Variants in SLC38A7 observed in about 807,000 individuals in gnomAD.
The protein encoded by SLC38A7 is sodium-coupled neutral amino acid transporter 7.
A neutral mutation model predicts 50.1 loss-of-function variants in SLC38A7; 29 were observed. That is an observed-to-expected ratio of 0.58 (90% CI 0.43 to 0.79). The LOEUF (loss-of-function observed/expected upper bound fraction) is 0.79, where lower values mean the gene tolerates loss of function less well. SLC38A7 is among the 30% of genes least tolerant of loss of function. The pLI is 0.00. For missense variants in SLC38A7, 483 were observed against 610.6 expected (o/e 0.79, Z 2.20); for synonymous variants, 244 against 245.9 (o/e 0.99, Z 0.07).
chr16:58,681,443 T>C (rs1434346097), intron 2 of SLC38A7: 1 of 152,164 alleles, frequency 6.6e-6, no homozygotes, highest in Non-Finnish European at 1.5e-5. Flanking sequence ...GTTTTTTTTC[T>C]TCCAAGAATC....
rs941290434 is a variant in SLC38A7 at position 58,678,225 on chromosome 16, G to T, written c.611+108C>A. ...GGTCTGCCCTGCCTTGCCTACTCTT[G>T]CTCCCCAAGGTGAGGTGGCATGGAG... is the stretch of plus-strand genomic sequence containing the variant. On this transcript the variant is annotated intron_variant, in intron 5 of 11. Transcript: ENST00000219320. This position sits in a 1 kb window ranked among gnomAD's most constrained non-coding sequence, Gnocchi z 4.0. 2.2e-6 allele frequency: 3 copies of T among 1,343,750 alleles called. No individual in the cohort carries two copies. The highest frequency in any genetic ancestry group is 3.0e-6 in the Non-Finnish European group (3 of 1,008,430). 83.2% of individuals were successfully genotyped at this position (1,343,750 alleles called of 1,614,324 possible).
At chr16:58,683,500 C>T (rs1175345993) in intron 2 of SLC38A7, among the ~76,000 whole-genome samples, 2 of 152,190 alleles carry the variant, frequency 1.3e-5, no homozygotes, top group Non-Finnish European at 2.9e-5. Flanking sequence ...TGTCAGATGT[C>T]ACAGGGCTTA....
Position 58,675,955 on chromosome 16 carries a change from C to T in SLC38A7, c.868G>A (p.Val290Ile). 1 of 1,611,904 alleles carries T rather than the reference C, an allele frequency of 6.2e-7. No individual in the cohort carries two copies. The highest frequency in any genetic ancestry group is 8.5e-7 in the Non-Finnish European group (1 of 1,179,004). The change falls in exon 8 of 12, where the codon GTC (valine) becomes ATC (isoleucine). Residue 290 changes from valine (V) to isoleucine (I), a missense_variant. Coordinates refer to ENST00000219320, the MANE Select transcript of SLC38A7 (RefSeq NM_018231.3). ...VTAAMVIALAVYMGTGICGFL... is the reference protein window; with the variant it reads ...VTAAMVIALAIYMGTGICGFL... ...GAGCACTCACCTGTCCCCATGTAGA[C>T]AGCGAGGGCTATGACCATGGCAGCT...
chr16:58,670,915 G>A (rs953599338), intron 10 of SLC38A7, 130 bp downstream of exon 10: 19 of 970,536 alleles, frequency 2.0e-5, no homozygotes, highest in Non-Finnish European at 2.9e-5. Flanking sequence ...GTACAGAGGC[G>A]AGACAGGTGA....
intron 2 of SLC38A7, among the ~76,000 whole-genome samples, chr16:58,680,556 C>A (rs1439118070): frequency 4.6e-5 from 7 of 152,208 alleles, no homozygotes; most frequent in African/African-American, 1.7e-4. Context: ...CTCATTCAAT[C>A]CTTAGGATGG....
At chr16:58,671,460 A>G (rs765916403) in intron 9 of SLC38A7, 92 of 593,714 alleles carry the variant, frequency 1.5e-4, no homozygotes, top group Non-Finnish European at 2.4e-4. Context: ...TTTACATCAC[A>G]TGGAAACTGA....
intron 2 of SLC38A7, chr16:58,681,432 A>T (rs2044386347): frequency 7.2e-6 from 1 of 138,890 alleles, no homozygotes; most frequent in African/African-American, 2.8e-5. Context: ...ATTGAGATGC[A>T]GTTTTTTTTC....
At chr16:58,677,615 G>C (rs576020440) in intron 5 of SLC38A7, 191 bp from the exon 6 acceptor site, 2 of 588,900 alleles carry the variant, frequency 3.4e-6, no homozygotes, top group African/African-American at 3.7e-5. Context: ...GAAGGAGCTG[G>C]ACAGCCAACA....
rs754441903 is a variant in SLC38A7 at position 58,670,174 on chromosome 16, GAGA to G, written c.1232-10_1232-8del. 39 of 1,614,026 alleles carry G rather than the reference GAGA, an allele frequency of 2.4e-5. No homozygotes were observed. Among genetic ancestry groups the G allele is most frequent in the Non-Finnish European group, 2.8e-5 (33 of 1,179,992 alleles). On this transcript the variant is annotated splice_polypyrimidine_tract_variant and splice_region_variant and intron_variant, in intron 10 of 11. Transcript: ENST00000219320. ...GCTTGAATGAGGCACAGCCCTGAAA[GAGA>G]AGAAGTGGCCCTGAGCATTTGTGAG...
chr16:58,677,482 C>A, intron 5 of SLC38A7, 58 bp from the exon 6 acceptor site: 1 of 1,462,308 alleles, frequency 6.8e-7, no homozygotes, highest in Non-Finnish European at 9.6e-7. Flanking sequence ...TCTGATTCCA[C>A]CCCTAGGGAC....
chr16:58,679,593 T>C, intron 3 of SLC38A7: 1 of 552,494 alleles, frequency 1.8e-6, no homozygotes, highest in Non-Finnish European at 3.2e-6. Flanking sequence ...GGCCCTCTTT[T>C]TAAACATACC....
At chr16:58,667,526 C>G (rs1289764694) in intron 11 of SLC38A7, 39 bp from the exon 12 acceptor site, 1 of 1,489,646 alleles carries the variant, frequency 6.7e-7, no homozygotes, top group South Asian at 1.2e-5. Flanking sequence ...ATCAGTCATC[C>G]CATCCCATGA....
In SLC38A7 at chr16:58,678,696, T is replaced by G. The variant is rs1242332362; in HGVS notation, c.469A>C (p.Ile157Leu). The G allele has an allele frequency of 6.2e-7, 1 of 1,613,660 alleles. No homozygotes were observed. The highest frequency in any genetic ancestry group is 1.3e-5 in the African/African-American group (1 of 74,906). The change falls in exon 4 of 12, where the codon ATT (isoleucine) becomes CTT (leucine). Residue 157 changes from isoleucine to leucine, a missense_variant and splice_region_variant. Transcript: ENST00000219320. This position sits in a 1 kb window ranked among gnomAD's most constrained non-coding sequence, Gnocchi z 4.0. ...GGTAGGGACTGAGGGAGAAGCTCAC[T>G]CTTGTCCTGCTGGTCGCCAATGATG... ...LIIIGDQQDK[I>L]IAVMAKEPEG...
In SLC38A7 at chr16:58,667,122, A is replaced by T. The variant is rs947825028; in HGVS notation, c.*263T>A. 1.1e-4 allele frequency: 57 copies of T among 512,452 alleles called. No individual in the cohort carries two copies. The highest frequency in any genetic ancestry group is 6.9e-5 in the Non-Finnish European group (20 of 289,028). 31.7% of individuals were successfully genotyped at this position (512,452 alleles called of 1,614,324 possible). ...GGATTCCAGGCATGGAGAAGTTGAG[A>T]ACTGGGAGAGGAGGAGGGGTCCTCT... is the stretch of plus-strand genomic sequence containing the variant. On this transcript the variant is annotated 3_prime_UTR_variant, in exon 12 of 12. Coordinates refer to ENST00000219320, the MANE Select transcript of SLC38A7 (RefSeq NM_018231.3).
rs547438025 is a variant in SLC38A7 at position 58,671,270 on chromosome 16, G to A, written c.1032-26C>T. On this transcript the variant is annotated intron_variant, in intron 9 of 11. Transcript: ENST00000219320. ...CTGCCCACATGGAGAAGGGCTTAGA[G>A]GTGCCCCTGCTGCTAGCAGCTCCCC... 26 of 1,606,096 alleles carry A rather than the reference G, an allele frequency of 1.6e-5. 1 individual carries two copies. In the South Asian group the frequency reaches 2.9e-4, roughly 18 times the overall value.
In SLC38A7 at chr16:58,673,743, G is replaced by A. The variant is rs147615367; in HGVS notation, c.884-1500C>T. Among the ~76,000 whole-genome samples, 68 of 149,076 alleles carry A rather than the reference G, an allele frequency of 4.6e-4. 1 individual carries two copies. In the East Asian group the frequency reaches 0.012, roughly 26 times the overall value. ...GAAGTGGTACAATCATAGTTCCACT[G>A]TAGTCTTGAATTCTTAGACTCAAGT... On this transcript the variant is annotated intron_variant, in intron 8 of 11. Transcript: ENST00000219320.
intron 11 of SLC38A7, among the ~76,000 whole-genome samples, chr16:58,669,604 G>T (rs1312109229): frequency 4.0e-5 from 6 of 151,868 alleles, no homozygotes; most frequent in Non-Finnish European, 7.4e-5. Context: ...CCATCTTTTT[G>T]TATTAAGCCC....
In SLC38A7 at chr16:58,680,112, G is replaced by A. The variant is rs1178446332; in HGVS notation, c.15C>T (p.Ser5=). Residue 5 remains serine (S), a synonymous_variant, in exon 3 of 12, where the codon AGC becomes AGT. Coordinates refer to ENST00000219320, the MANE Select transcript of SLC38A7 (RefSeq NM_018231.3). Reference sequence around the variant, plus strand: ...CCCACTCGCTGTAGTCATTGTTGATGCTGACCTGGGCCATGGCCCCGAGAG... The same window carrying A: ...CCCACTCGCTGTAGTCATTGTTGATACTGACCTGGGCCATGGCCCCGAGAG... MAQV[S]INNDYSEWDL... 3 of 1,526,242 alleles carry A rather than the reference G, an allele frequency of 2.0e-6. No homozygotes were observed. Among genetic ancestry groups the A allele is most frequent in the East Asian group, 4.6e-5 (2 of 43,918 alleles). 94.5% of individuals were successfully genotyped at this position (1,526,242 alleles called of 1,614,324 possible).
chr16:58,675,913 C>T (rs773473259), intron 8 of SLC38A7, 27 bp downstream of exon 8: 1 of 1,529,894 alleles, frequency 6.5e-7, no homozygotes, highest in South Asian at 1.2e-5. Flanking sequence ...ACTCTAGTCC[C>T]AGGTCTTGGG....
Sources: gnomAD v4.1 joint callset for allele counts (sites outside exome capture counted in the v4.1 genomes callset) on GRCh38, gnomAD v4.1.1 for gene constraint, Gnocchi (gnomAD v3.1) non-coding constraint, MANE v1.5 for transcripts, NCBI Gene and HGNC (gene_info 2026-07-23, HGNC 2026-07-21) for gene names.